RHBDL3: variants seen among roughly 807,000 people sequenced by gnomAD.
RHBDL3 encodes rhomboid like 3.
A neutral mutation model predicts 48.2 loss-of-function variants in RHBDL3; 28 were observed. The observed-to-expected ratio is 0.58, with a 90% CI of 0.43 to 0.80. The LOEUF (loss-of-function observed/expected upper bound fraction) is 0.80. Among genes scored for constraint, RHBDL3 ranks in the 30% least tolerant of loss-of-function variants. RHBDL3 has a pLI of 0.00. For synonymous variants in RHBDL3, 208 were observed against 232.3 expected, an observed-to-expected ratio of 0.90 and a Z score of 0.95; for missense variants, 464 against 542.7, an observed-to-expected ratio of 0.85 and a Z score of 1.44.
chr17:32,294,583 T>A, intron 5 of RHBDL3, 141 bp downstream of exon 5: 1 of 750,758 alleles, frequency 1.3e-6, no homozygotes, highest in Non-Finnish European at 2.1e-6. Context: ...GAAACTCATT[T>A]AATACCAAAA....
intron 4 of RHBDL3, among the ~76,000 whole-genome samples, chr17:32,290,915 C>A (rs146527989): frequency 6.4e-4 from 93 of 144,804 alleles, no homozygotes; most frequent in African/African-American, 2.3e-3. Context: ...GCAAGAGGAT[C>A]GCTTCAGCCC....
intron 3 of RHBDL3, among the ~76,000 whole-genome samples, chr17:32,285,580 C>T (rs1302003490): frequency 6.6e-6 from 1 of 152,158 alleles, no homozygotes; most frequent in Non-Finnish European, 1.5e-5. Flanking sequence ...ATTTCAGGGG[C>T]TGCTGTGGAC....
intron 4 of RHBDL3, among the ~76,000 whole-genome samples, chr17:32,293,029 G>A (rs1039575052): frequency 6.6e-6 from 1 of 152,064 alleles, no homozygotes; most frequent in African/African-American, 2.4e-5. Flanking sequence ...ACACAACATG[G>A]ATGAACCTTG....
At chr17:32,272,603 G>A (rs1422840566) in intron 2 of RHBDL3, among the ~76,000 whole-genome samples, 2 of 152,128 alleles carry the variant, frequency 1.3e-5, no homozygotes, top group Admixed American at 1.3e-4. Flanking sequence ...CCTTGAGGCT[G>A]TGGACTCCTC....
chr17:32,276,719 CCT>C (rs2039910235), intron 2 of RHBDL3, among the ~76,000 whole-genome samples: 1 of 149,842 alleles, frequency 6.7e-6, no homozygotes, highest in South Asian at 2.1e-4. Context: ...GGCCCTAGCA[CCT>C]TACTCCGGCC....
rs1034512378 is a variant in RHBDL3 at position 32,321,531 on chromosome 17, C to T, written c.*302C>T. On this transcript the variant is annotated 3_prime_UTR_variant, in exon 9 of 9. Transcript: ENST00000269051. The stretch of plus-strand genomic sequence containing the variant: ...CTCCCTCACCTGGGCTGGGCTTCTT[C>T]CATGGGGCCAGGGGGTGCCCCCTCA... 3.5e-6 allele frequency: 2 copies of T among 570,622 alleles called. No homozygotes were observed. The highest frequency in any genetic ancestry group is 3.8e-5 in the African/African-American group (2 of 52,982). 35.3% of individuals were successfully genotyped at this position (570,622 alleles called of 1,614,324 possible). A position where few individuals can be genotyped will look rare whatever the true frequency, so the allele number is the denominator to read the frequency against.
chr17:32,318,045 C>CAA (rs746116660), intron 8 of RHBDL3, among the ~76,000 whole-genome samples: 12 of 114,896 alleles, frequency 1.0e-4, no homozygotes, highest in African/African-American at 3.2e-4. Flanking sequence ...CTTGTCTCTA[C>CAA]AAAAAAAAAA....
chr17:32,287,382 C>T (rs935358947), intron 3 of RHBDL3, among the ~76,000 whole-genome samples: 14 of 152,318 alleles, frequency 9.2e-5, no homozygotes, highest in African/African-American at 3.4e-4. Flanking sequence ...CCCTGGCCTA[C>T]ATTTACAGAG....
At chr17:32,301,773 A>G (rs1304338817) in intron 6 of RHBDL3, among the ~76,000 whole-genome samples, 1 of 151,806 alleles carries the variant, frequency 6.6e-6, no homozygotes, top group African/African-American at 2.4e-5. Context: ...GTGAGCAGAA[A>G]TCTCATCATT....
chr17:32,289,932 G>T (rs1260530394), intron 4 of RHBDL3, among the ~76,000 whole-genome samples: 4 of 152,342 alleles, frequency 2.6e-5, no homozygotes, highest in Admixed American at 2.6e-4. Flanking sequence ...TGGTCTGCAG[G>T]CCAGCATTCC....
At chr17:32,269,595 C>T (rs2039722547) in intron 2 of RHBDL3, among the ~76,000 whole-genome samples, 2 of 152,216 alleles carry the variant, frequency 1.3e-5, no homozygotes, top group African/African-American at 4.8e-5. Context: ...GGTAGAGCAT[C>T]TCTCCCTCTG....
chr17:32,295,019 T>G (rs1045126139), intron 5 of RHBDL3, among the ~76,000 whole-genome samples: 2 of 152,168 alleles, frequency 1.3e-5, no homozygotes, highest in Non-Finnish European at 2.9e-5. Flanking sequence ...TCCATATCCC[T>G]TGAAGAGCAG....
intron 6 of RHBDL3, among the ~76,000 whole-genome samples, chr17:32,298,692 C>T (rs2040512652): frequency 6.6e-6 from 1 of 152,350 alleles, no homozygotes; most frequent in Non-Finnish European, 1.5e-5. Context: ...ACCACCCTGG[C>T]CACGTAGCAC....
intron 2 of RHBDL3, among the ~76,000 whole-genome samples, chr17:32,279,086 C>T (rs990186761): frequency 4.6e-5 from 7 of 151,978 alleles, no homozygotes; most frequent in African/African-American, 7.3e-5. Flanking sequence ...ACAATCACAT[C>T]ACTACACCCC....
rs567363597 is a variant in RHBDL3 at position 32,309,968 on chromosome 17, C to T, written c.882+4527C>T. ...CTAACCATGTTGCCCAGGCTGGTCT[C>T]GAACTCCTGAACTCAAGTGATCCAC... is the stretch of plus-strand genomic sequence containing the variant. On this transcript the variant is annotated intron_variant, in intron 7 of 8. Coordinates refer to ENST00000269051, the MANE Select transcript of RHBDL3 (RefSeq NM_138328.3). Among the ~76,000 whole-genome samples the T allele has an allele frequency of 5.4e-4, 82 of 151,614 alleles. 2 individuals carry two copies. The highest frequency in any genetic ancestry group is 1.7e-3 in the African/African-American group (70 of 41,366).
chr17:32,276,854 T>G lies in RHBDL3; in HGVS notation c.136-7805T>G, dbSNP rs367876237. Among the ~76,000 whole-genome samples, 448 of 50,066 alleles carry G rather than the reference T, an allele frequency of 8.9e-3. 39 individuals are homozygous for G. The highest frequency in any genetic ancestry group is 0.037 in the African/African-American group (148 of 3,982). 32.8% of individuals were successfully genotyped at this position (50,066 alleles called of 152,430 possible). A position where few individuals can be genotyped will look rare whatever the true frequency, so the allele number is the denominator to read the frequency against. On this transcript the variant is annotated intron_variant, in intron 2 of 8. Coordinates refer to ENST00000269051, the MANE Select transcript of RHBDL3 (RefSeq NM_138328.3). ...AGCACCTTACTCCGGCCCTAGCACC[T>G]TACTCCGGCCCTAGCACAGTACTGC...
At position 32,294,425 on chromosome 17, in the gene RHBDL3, C is replaced by T; in HGVS notation, c.651C>T (p.Tyr217=). Residue 217 remains tyrosine (Y), a synonymous_variant, in exon 5 of 9, where the codon TAC becomes TAT. Transcript: ENST00000269051. ...LRAQVWRYLT[Y]IFMHAGIEHL... is the part of the protein sequence containing the mutation. ...CACAGGTTTGGCGCTACCTGACATA[C>T]ATCTTCATGCATGCAGGGTGAGTAC... is the stretch of plus-strand genomic sequence containing the variant. The T allele has an allele frequency of 1.2e-6, 2 of 1,614,018 alleles. No individual in the cohort carries two copies. The highest frequency in any genetic ancestry group is 1.7e-6 in the Non-Finnish European group (2 of 1,179,946).
At chr17:32,317,441 T>G (rs142179477) in intron 8 of RHBDL3, among the ~76,000 whole-genome samples, 121 of 152,296 alleles carry the variant, frequency 7.9e-4, no homozygotes, top group African/African-American at 2.8e-3. Flanking sequence ...CAAGATGTCT[T>G]CAGGGCCCTA....
intron 5 of RHBDL3, among the ~76,000 whole-genome samples, chr17:32,296,844 C>T (rs1269288708): frequency 5.4e-5 from 8 of 148,184 alleles, no homozygotes; most frequent in Admixed American, 1.4e-4. Context: ...GAAGGAATCT[C>T]GCTCTTTTGC....
Sources: allele counts gnomAD v4.1 joint callset (sites outside exome capture counted in the v4.1 genomes callset), GRCh38; gene constraint gnomAD v4.1.1; transcripts MANE v1.5; gene names NCBI Gene and HGNC (gene_info 2026-07-23, HGNC 2026-07-21).